The following RPE65 variants were observed in gnomAD, a reference collection of about 807,000 sequenced individuals.
RPE65 encodes retinoid isomerohydrolase.
In RPE65, 58 loss-of-function variants were observed where a neutral mutation model predicts 68.5. The observed-to-expected ratio is 0.85, with a 90% CI of 0.69 to 1.05. The LOEUF (loss-of-function observed/expected upper bound fraction) is 1.05, where lower values mean the gene tolerates loss of function less well. Ranked by LOEUF, RPE65 falls within the 50% of genes least tolerant of loss-of-function variation. The pLI, the probability that RPE65 is intolerant of heterozygous loss-of-function variation, is 0.00. For synonymous variants in RPE65, 220 were observed against 222.2 expected (o/e 0.99, Z 0.09); for missense variants, 643 against 629.9 (o/e 1.02, Z -0.22).
intron 2 of RPE65, among the ~76,000 whole-genome samples, chr1:68,447,140 G>A (rs868852714): frequency 6.6e-5 from 10 of 152,012 alleles, no homozygotes; most frequent in Middle Eastern, 3.2e-3. Context: ...GAGAGGATTG[G>A]GACTCTCCAC....
intron 5 of RPE65, among the ~76,000 whole-genome samples, chr1:68,441,529 A>T (rs561451780): frequency 6.6e-6 from 1 of 152,104 alleles, no homozygotes; most frequent in Admixed American, 6.6e-5. Flanking sequence ...TAGGAGAACC[A>T]TGGATCTCTT....
rs1450021583 is a variant in RPE65 at position 68,447,053 on chromosome 1, G to C, written c.95-193C>G. Among the ~76,000 whole-genome samples, 5 of 152,130 alleles carry C rather than the reference G, an allele frequency of 3.3e-5. No homozygotes were observed. The South Asian group carries it at 6.2e-4, about 19-fold the overall frequency. On this transcript the variant is annotated intron_variant, in intron 2 of 13. Transcript: ENST00000262340. The stretch of plus-strand genomic sequence containing the variant: ...TGCTGACTTGACTCACCTTCACTAG[G>C]AGATCACACCTTGGGAAATGTGGAG...
At chr1:68,434,824 A>G (rs989772932) in intron 10 of RPE65, among the ~76,000 whole-genome samples, 1 of 151,924 alleles carries the variant, frequency 6.6e-6, no homozygotes, top group African/African-American at 2.4e-5. Flanking sequence ...CTGGACTGCA[A>G]TGGCATGTAG....
chr1:68,436,061 C>A (rs1645860705), intron 10 of RPE65, among the ~76,000 whole-genome samples: 1 of 152,172 alleles, frequency 6.6e-6, no homozygotes, highest in Non-Finnish European at 1.5e-5. Context: ...CCGTGATAAC[C>A]ATACAGTTAG....
In RPE65 at chr1:68,439,552, T is replaced by G. The variant is rs111518661; in HGVS notation, c.725+9A>C. On this transcript the variant is annotated intron_variant, in intron 7 of 13. Transcript: ENST00000262340. The stretch of plus-strand genomic sequence containing the variant: ...TTTCCTGAAGATTCATAGCAGGCCT[T>G]CAAGTTACCTATGAACGTAAGATGG... 1 of 1,613,374 alleles carries G rather than the reference T, an allele frequency of 6.2e-7. No homozygotes were observed. Among genetic ancestry groups the G allele is most frequent in the Non-Finnish European group, 8.5e-7 (1 of 1,179,310 alleles).
In RPE65 at chr1:68,439,115, A is replaced by G. The variant is rs754941362; in HGVS notation, c.859-34T>C. On this transcript the variant is annotated intron_variant, in intron 8 of 13. Coordinates refer to ENST00000262340, the MANE Select transcript of RPE65 (RefSeq NM_000329.3). ...ATGAGGAAAATATTTTGATGCATTT[A>G]AAAAGGAAAAAAGTGTACATTATTA... 5 of 1,613,828 alleles carry G rather than the reference A, an allele frequency of 3.1e-6. No homozygotes were observed. In the African/African-American group the frequency reaches 6.7e-5, roughly 22 times the overall value.
chr1:68,435,096 A>AT (rs1247092211), intron 10 of RPE65, among the ~76,000 whole-genome samples: 1 of 152,100 alleles, frequency 6.6e-6, no homozygotes, highest in Admixed American at 6.6e-5. Context: ...GTCTATGGCA[A>AT]TGGGCACCGT....
intron 2 of RPE65, 133 bp downstream of exon 2, chr1:68,448,491 A>G: frequency 1.3e-6 from 1 of 782,792 alleles, no homozygotes; most frequent in South Asian, 1.5e-5. Flanking sequence ...TCTTGCTATA[A>G]AAAGCCCAAA....
At chr1:68,445,830 GAAGA>G (rs911669843) in intron 3 of RPE65, among the ~76,000 whole-genome samples, 9 of 151,902 alleles carry the variant, frequency 5.9e-5, no homozygotes, top group Non-Finnish European at 1.3e-4. Flanking sequence ...CTTTTATGAA[GAAGA>G]AAGAGTACCC....
intron 6 of RPE65, among the ~76,000 whole-genome samples, chr1:68,439,856 G>A (rs982181591): frequency 3.3e-5 from 5 of 152,118 alleles, no homozygotes; most frequent in Admixed American, 1.3e-4. Flanking sequence ...ATTTGGAAAC[G>A]TGCACTCAAA....
intron 10 of RPE65, among the ~76,000 whole-genome samples, chr1:68,436,149 T>C (rs1225751485): frequency 1.3e-5 from 2 of 152,190 alleles, no homozygotes; most frequent in East Asian, 3.8e-4. Flanking sequence ...TTAAAGATGA[T>C]TGTGATTTTT....
chr1:68,448,092 A>G (rs1035277758), intron 2 of RPE65, among the ~76,000 whole-genome samples: 8 of 152,208 alleles, frequency 5.3e-5, no homozygotes, highest in Non-Finnish European at 7.3e-5. Context: ...AATTTTCACA[A>G]CATCCTCATG....
intron 6 of RPE65, 118 bp downstream of exon 6, chr1:68,440,735 G>C: frequency 7.6e-7 from 1 of 1,318,908 alleles, no homozygotes; most frequent in Non-Finnish European, 1.1e-6. Flanking sequence ...TCTGAAGTCT[G>C]AGAGTAATTT....
Position 68,429,859 on chromosome 1 carries a change from C to A in RPE65, c.1519G>T (p.Ala507Ser), listed in dbSNP as rs767931252. The A allele has an allele frequency of 1.9e-5, 31 of 1,613,722 alleles. No individual in the cohort carries two copies. In the Admixed American group the frequency reaches 5.2e-4, roughly 27 times the overall value. ...QKPAYLLILN[A>S]KDLSEVARAE... is the part of the protein sequence containing the mutation. ...CGGGCAACTTCACTTAAGTCCTTGG[C>A]ATTCAGAATCAGGAGATAAGCAGGC... Residue 507 changes from alanine to serine, a missense_variant, in exon 14 of 14, where the codon GCC becomes TCC. Physicochemically the swap from Ala to Ser is moderately conservative, Grantham distance 99. Transcript: ENST00000262340.
At chr1:68,435,441 T>C (rs1249240818) in intron 10 of RPE65, among the ~76,000 whole-genome samples, 1 of 152,212 alleles carries the variant, frequency 6.6e-6, no homozygotes, top group Non-Finnish European at 1.5e-5. Flanking sequence ...TACCATTAAT[T>C]ATGGGCTTTT....
intron 13 of RPE65, 37 bp downstream of exon 13, chr1:68,431,028 A>G: frequency 1.3e-6 from 2 of 1,522,144 alleles, no homozygotes; most frequent in African/African-American, 1.4e-5. Context: ...GAACTGCAGT[A>G]AGAAGAGTAT....
chr1:68,431,815 C>A (rs1369080750), intron 10 of RPE65, among the ~76,000 whole-genome samples: 1 of 151,890 alleles, frequency 6.6e-6, no homozygotes, highest in Middle Eastern at 3.2e-3. Flanking sequence ...CTTAGGCCAT[C>A]AATTTTCTCT....
chr1:68,432,596 C>T (rs562720899), intron 10 of RPE65, among the ~76,000 whole-genome samples: 1 of 152,132 alleles, frequency 6.6e-6, no homozygotes, highest in Admixed American at 6.5e-5. Flanking sequence ...TGGATTCTAT[C>T]AACTGAGCTA....
At position 68,439,624 on chromosome 1, in the gene RPE65, C is replaced by T. The variant is rs1345706441; in HGVS notation, c.662G>A (p.Ser221Asn). 6.2e-7 allele frequency: 1 copy of T among 1,613,594 alleles called. No individual in the cohort carries two copies. Among genetic ancestry groups the T allele is most frequent in the African/African-American group, 1.3e-5 (1 of 74,828 alleles). The change falls in exon 7 of 14, where the codon AGC becomes AAC. Residue 221 changes from serine (S) to asparagine (N), a missense_variant. Ser to Asn is a conservative substitution (Grantham distance 46). Transcript: ENST00000262340. ...PLQADKEDPI[S>N]KSEIVVQFPC... The stretch of plus-strand genomic sequence containing the variant: ...GAATTGTACAACGATCTCTGACTTG[C>T]TTATTGGATCTTCCTTGTCTGAAAT...
Sources: allele counts gnomAD v4.1 joint callset (sites outside exome capture counted in the v4.1 genomes callset), GRCh38; gene constraint gnomAD v4.1.1; transcripts MANE v1.5; gene names NCBI Gene and HGNC (gene_info 2026-07-23, HGNC 2026-07-21).